The following GDPD3 variants were observed in gnomAD, a reference collection of about 807,000 sequenced individuals.
GDPD3 encodes glycerophosphodiester phosphodiesterase domain containing 3.
GDPD3 carries 40 observed loss-of-function variants against 43.7 expected under a neutral mutation model. The observed-to-expected ratio is 0.91, with a 90% CI of 0.71 to 1.19. The LOEUF is 1.19. Ranked by LOEUF, GDPD3 falls within the 50% of genes most tolerant of loss-of-function variation. The probability of loss-of-function intolerance (pLI) is 0.00; values close to 1 mark genes in which losing one functional copy is unlikely to be tolerated. For synonymous variants in GDPD3, 145 were observed against 162.9 expected, an observed-to-expected ratio of 0.89 and a Z score of 0.84; for missense variants, 363 against 415.8, an observed-to-expected ratio of 0.87 and a Z score of 1.11.
At chr16:30,108,590 C>G (rs2072876868) in intron 7 of GDPD3, 158 bp from the exon 8 acceptor site, 1 of 661,358 alleles carries the variant, frequency 1.5e-6, no homozygotes, top group Non-Finnish European at 2.7e-6. Context: ...AACAATTCAC[C>G]CATTGTTCAG....
Position 30,112,932 on chromosome 16 carries a change from G to T in GDPD3, c.182+90C>A, listed in dbSNP as rs2072915447. On this transcript the variant is annotated intron_variant, in intron 2 of 9. Coordinates refer to ENST00000406256, the MANE Select transcript of GDPD3 (RefSeq NM_024307.3). The surrounding 1 kb of genome is among the most constrained non-coding windows in gnomAD (Gnocchi z 5.4). ...ACCTCCAGGGGGCGCCAGTCACCCA[G>T]CTAGGAAGTGAATGGCGTCCCTTGC... The T allele has an allele frequency of 6.7e-7, 1 of 1,489,210 alleles. No homozygotes were observed. Among genetic ancestry groups the T allele is most frequent in the Non-Finnish European group, 9.3e-7 (1 of 1,072,086 alleles). 92.2% of individuals were successfully genotyped at this position (1,489,210 alleles called of 1,614,324 possible). A position where few individuals can be genotyped will look rare whatever the true frequency, so the allele number is the denominator to read the frequency against.
chr16:30,106,353 G>A (rs576500091), intron 9 of GDPD3, among the ~76,000 whole-genome samples: 98 of 152,186 alleles, frequency 6.4e-4, no homozygotes, highest in Middle Eastern at 6.8e-3. Flanking sequence ...TTTAAACCAG[G>A]AAAATTAATC....
intron 7 of GDPD3, among the ~76,000 whole-genome samples, chr16:30,110,163 G>A (rs1031343419): frequency 5.6e-4 from 85 of 152,036 alleles, no homozygotes; most frequent in Non-Finnish European, 9.7e-4. Flanking sequence ...AAGGCCGGGC[G>A]CAGTGGGTCA....
intron 9 of GDPD3, among the ~76,000 whole-genome samples, chr16:30,105,886 A>G (rs954925348): frequency 2.0e-5 from 3 of 151,384 alleles, no homozygotes; most frequent in African/African-American, 7.3e-5. Context: ...CGAGGCAGGC[A>G]GATCAACTAA....
chr16:30,107,520 A>G (rs974604206), intron 9 of GDPD3, among the ~76,000 whole-genome samples: 5 of 152,054 alleles, frequency 3.3e-5, no homozygotes, highest in East Asian at 1.9e-4. Context: ...GTGGAAGCCA[A>G]TGCTCAGGGG....
chr16:30,107,163 T>G (rs2072866657), intron 9 of GDPD3, among the ~76,000 whole-genome samples: 1 of 152,104 alleles, frequency 6.6e-6, no homozygotes, highest in African/African-American at 2.4e-5. Flanking sequence ...TGCAGTGGCG[T>G]GATTCTGATT....
In GDPD3 at chr16:30,104,858, C is replaced by T. The variant is rs1220259142; in HGVS notation, c.*14G>A. On this transcript the variant is annotated 3_prime_UTR_variant, in exon 10 of 10. Transcript: ENST00000406256. ...TTTCAGGAAGAGAAACAGGAGACCT[C>T]GAGGCTTCTGGACTTAGGAGGTCCG... 11 of 1,611,084 alleles carry T rather than the reference C, an allele frequency of 6.8e-6. No individual in the cohort carries two copies. Among genetic ancestry groups the T allele is most frequent in the African/African-American group, 1.3e-5 (1 of 74,778 alleles).
At chr16:30,105,412 G>C (rs1336089411) in intron 9 of GDPD3, among the ~76,000 whole-genome samples, 3 of 149,282 alleles carry the variant, frequency 2.0e-5, no homozygotes, top group Non-Finnish European at 3.0e-5. Context: ...AGCTATGGTT[G>C]CACCACTGTA....
intron 9 of GDPD3, among the ~76,000 whole-genome samples, chr16:30,107,187 C>T (rs1596869209): frequency 6.6e-6 from 1 of 152,112 alleles, no homozygotes; most frequent in Non-Finnish European, 1.5e-5. Flanking sequence ...GCTCACTGCA[C>T]CCTCGAAACC....
At chr16:30,108,460 C>T (rs754467760) in intron 7 of GDPD3, 28 bp from the exon 8 acceptor site, 2 of 1,608,306 alleles carry the variant, frequency 1.2e-6, no homozygotes, top group East Asian at 2.2e-5. Context: ...TGGGGGTTAG[C>T]TCCTAGGGTC....
Position 30,112,311 on chromosome 16 carries a change from G to A in GDPD3, c.478C>T (p.Arg160Cys), listed in dbSNP as rs765588384. Residue 160 changes from arginine to cysteine, a missense_variant, in exon 5 of 10, where the codon CGT (arginine) becomes TGT (cysteine). Transcript: ENST00000406256. The surrounding 1 kb of genome is among the most constrained non-coding windows in gnomAD (Gnocchi z 5.4). ...AGCCCTGCCTGCAGCACCACCTCAC[G>A]GATGAGCTCTTCGTTCTTCCCTTTG... ...EIKGKNEELI[R>C]EIAGLVRRYD... The A allele has an allele frequency of 9.3e-6, 15 of 1,613,952 alleles. No individual in the cohort carries two copies. The highest frequency in any genetic ancestry group is 4.4e-5 in the South Asian group (4 of 91,094).
At chr16:30,111,820 C>T (rs890180876) in intron 6 of GDPD3, 3 of 528,804 alleles carry the variant, frequency 5.7e-6, no homozygotes, top group Non-Finnish European at 1.0e-5. Context: ...GTAATCCCAG[C>T]TACTCGGGAG....
rs143599196 is a variant in GDPD3, at chr16:30,112,190, T to C, written c.515A>G (p.Asn172Ser). The C allele has an allele frequency of 2.0e-4, 323 of 1,614,130 alleles. 1 individual carries two copies. The African/African-American group carries it at 4.0e-3, about 20-fold the overall frequency. Residue 172 changes from asparagine (N) to serine (S), a missense_variant, in exon 6 of 10, where the codon AAT becomes AGT. Asn to Ser is a conservative substitution (Grantham distance 46). Coordinates refer to ENST00000406256, the MANE Select transcript of GDPD3 (RefSeq NM_024307.3). This position sits in a 1 kb window ranked among gnomAD's most constrained non-coding sequence, Gnocchi z 5.4. ...IAGLVRRYDR[N>S]EITIWASEKS... Reference sequence around the variant, plus strand: ...CTCCGAGGCCCAGATGGTGATTTCATTACGGTCATAGCGTCTCACCAAGCC... The same window carrying C: ...CTCCGAGGCCCAGATGGTGATTTCACTACGGTCATAGCGTCTCACCAAGCC...
chr16:30,108,552 C>G, intron 7 of GDPD3, 120 bp from the exon 8 acceptor site: 1 of 862,644 alleles, frequency 1.2e-6, no homozygotes, highest in Non-Finnish European at 1.9e-6. Context: ...CAGAATCCCC[C>G]AGAATAACCT....
At position 30,109,800 on chromosome 16, in the gene GDPD3, C is replaced by T. The variant is rs189589640; in HGVS notation, c.708-1368G>A. On this transcript the variant is annotated intron_variant, in intron 7 of 9. Coordinates refer to ENST00000406256, the MANE Select transcript of GDPD3 (RefSeq NM_024307.3). ...AGCCTGGGCAAAAAGAGCAAAACTCCGTCTCAAAAACAAACAAACAAACAA... is the reference window on the plus strand; with the variant it reads ...AGCCTGGGCAAAAAGAGCAAAACTCTGTCTCAAAAACAAACAAACAAACAA... Among the ~76,000 whole-genome samples the T allele has an allele frequency of 9.9e-4, 151 of 152,098 alleles. 2 individuals are homozygous for T. The highest frequency in any genetic ancestry group is 3.3e-3 in the African/African-American group (138 of 41,512).
rs372137796 is a variant in GDPD3, at chr16:30,111,432, G to C, written c.663C>G (p.Ile221Met). 12 of 1,614,008 alleles carry C rather than the reference G, an allele frequency of 7.4e-6. No homozygotes were observed. The African/African-American group carries it at 1.6e-4, about 22-fold the overall frequency. ...YYLGLLPFIP[I>M]PEKFFFCFLP... is the part of the protein sequence containing the mutation. Reference sequence around the variant, plus strand: ...GGAAGCAGAAGAAGAACTTCTCAGGGATTGGGATGAAGGGCAGCAGCCCCA... The same window carrying C: ...GGAAGCAGAAGAAGAACTTCTCAGGCATTGGGATGAAGGGCAGCAGCCCCA... The change falls in exon 7 of 10, where the codon ATC becomes ATG. Residue 221 changes from isoleucine to methionine, a missense_variant. Ile to Met is a conservative substitution (Grantham distance 10). Coordinates refer to ENST00000406256, the MANE Select transcript of GDPD3 (RefSeq NM_024307.3).
At position 30,111,369 on chromosome 16, in the gene GDPD3, G is replaced by T; in HGVS notation, c.707+19C>A. 1.2e-6 allele frequency: 2 copies of T among 1,612,776 alleles called. No individual in the cohort carries two copies. Among genetic ancestry groups the T allele is most frequent in the Non-Finnish European group, 1.7e-6 (2 of 1,179,284 alleles). On this transcript the variant is annotated intron_variant, in intron 7 of 9. Coordinates refer to ENST00000406256, the MANE Select transcript of GDPD3 (RefSeq NM_024307.3). ...CTAAGCAGTGGGGAGTTTTTCTGAG[G>T]TCCGCCCCCCACTGGTACCTGTTGA...
At position 30,112,467 on chromosome 16, in the gene GDPD3, G is replaced by C. The variant is rs143649081; in HGVS notation, c.365-43C>G. The C allele has an allele frequency of 4.3e-6, 7 of 1,613,650 alleles. No homozygotes were observed. The East Asian group carries it at 1.6e-4, about 36-fold the overall frequency. On this transcript the variant is annotated intron_variant, in intron 4 of 9. Transcript: ENST00000406256. This position sits in a 1 kb window ranked among gnomAD's most constrained non-coding sequence, Gnocchi z 5.4. ...AAAGGGGTCAGAGGGAAGCCAAGGC[G>C]GAGGTCCAAGGAAGGCAGGCATGGC...
chr16:30,108,463 C>G, intron 7 of GDPD3, 31 bp from the exon 8 acceptor site: 1 of 1,607,584 alleles, frequency 6.2e-7, no homozygotes, highest in African/African-American at 1.3e-5. Flanking sequence ...GGGTTAGCTC[C>G]TAGGGTCTCC....
Sources: gnomAD v4.1 joint callset for allele counts (sites outside exome capture counted in the v4.1 genomes callset) on GRCh38, gnomAD v4.1.1 for gene constraint, Gnocchi (gnomAD v3.1) non-coding constraint, MANE v1.5 for transcripts, NCBI Gene and HGNC (gene_info 2026-07-23, HGNC 2026-07-21) for gene names.